SRSF11: variants seen among roughly 807,000 people sequenced by gnomAD.
The protein encoded by SRSF11 is serine/arginine-rich splicing factor 11.
A neutral mutation model predicts 56.0 loss-of-function variants in SRSF11; 9 were observed. The observed-to-expected ratio is 0.16, with a 90% CI of 0.10 to 0.28. The LOEUF is 0.28. Among genes scored for constraint, SRSF11 ranks in the 10% least tolerant of loss-of-function variants. The pLI is 1.00. For missense variants in SRSF11, 421 were observed against 600.7 expected (o/e 0.70, Z 3.13); for synonymous variants, 222 against 215.3 (o/e 1.03, Z -0.27).
At chr1:70,248,521 T>C (rs1677249666) in intron 9 of SRSF11, 1 of 152,112 alleles carries the variant, frequency 6.6e-6, no homozygotes, top group Non-Finnish European at 1.5e-5. Flanking sequence ...AAAATTTTCT[T>C]AAAAACTAAA....
In SRSF11 at chr1:70,252,111, A is replaced by G. The variant is rs1678041040; in HGVS notation, c.*1306A>G. On this transcript the variant is annotated 3_prime_UTR_variant, in exon 12 of 12. Coordinates refer to ENST00000370949, the MANE Select transcript of SRSF11 (RefSeq NM_001350605.2). ...TCCCTTTCTGTCCACATATTTCAGT[A>G]TAGTAAAAAGAGGAAGTCTATCACT... The G allele has an allele frequency of 6.6e-6, 1 of 152,578 alleles. No homozygotes were observed. The highest frequency in any genetic ancestry group is 1.5e-5 in the Non-Finnish European group (1 of 67,990). 9.5% of individuals were successfully genotyped at this position (152,578 alleles called of 1,614,324 possible). A position where few individuals can be genotyped will look rare whatever the true frequency, so the allele number is the denominator to read the frequency against.
chr1:70,221,374 C>T (rs1670555956), upstream of SRSF11: 1 of 482,622 alleles, frequency 2.1e-6, no homozygotes, highest in South Asian at 3.2e-5. Flanking sequence ...GGAGCTCGGG[C>T]CCGCTAGTGT....
chr1:70,232,116 A>G, intron 2 of SRSF11, 152 bp from the exon 3 acceptor site: 2 of 1,549,394 alleles, frequency 1.3e-6, no homozygotes, highest in Non-Finnish European at 1.7e-6. Flanking sequence ...AATTAATGAT[A>G]AATAATCATA....
At chr1:70,250,185 T>TA (rs755640554) in intron 10 of SRSF11, 138 bp downstream of exon 10, 14 of 1,258,800 alleles carry the variant, frequency 1.1e-5, no homozygotes, top group Non-Finnish European at 1.6e-5. Flanking sequence ...ACTTGTGACT[T>TA]AAACACCATT....
Position 70,232,299 on chromosome 1 carries a change from T to A in SRSF11, c.369T>A (p.Ser123=). The A allele has an allele frequency of 6.2e-7, 1 of 1,614,214 alleles. No homozygotes were observed. Among genetic ancestry groups the A allele is most frequent in the Non-Finnish European group, 8.5e-7 (1 of 1,180,044 alleles). ...GVIPDEAKAL[S]LLAPANAVAG... is the part of the protein sequence containing the mutation. ...TTCCTGATGAAGCTAAAGCTTTGTC[T>A]CTGTTGGCACCAGCTAATGCAGTGG... Residue 123 remains serine, a synonymous_variant, in exon 3 of 12, where the codon TCT becomes TCA. Coordinates refer to ENST00000370949, the MANE Select transcript of SRSF11 (RefSeq NM_001350605.2).
chr1:70,250,237 A>T, intron 10 of SRSF11, 128 bp from the exon 11 acceptor site: 1 of 1,450,358 alleles, frequency 6.9e-7, no homozygotes, highest in Non-Finnish European at 9.3e-7. Context: ...TTAGTTTTGT[A>T]GCCTGTGTTA....
upstream of SRSF11, chr1:70,220,933 T>C (rs1036744291): frequency 6.6e-6 from 1 of 152,208 alleles, no homozygotes; most frequent in Non-Finnish European, 1.5e-5. Context: ...CTGAAAGTTT[T>C]AGTGACAAAA....
chr1:70,241,930 G>C (rs1424336278), intron 7 of SRSF11, among the ~76,000 whole-genome samples: 1 of 152,106 alleles, frequency 6.6e-6, no homozygotes, highest in Non-Finnish European at 1.5e-5. Flanking sequence ...AGCACTTGGG[G>C]AGGCCGAGGC....
chr1:70,232,189 G>T, intron 2 of SRSF11, 79 bp from the exon 3 acceptor site: 1 of 1,607,380 alleles, frequency 6.2e-7, no homozygotes, highest in Non-Finnish European at 8.5e-7. Flanking sequence ...GGTGTATCAG[G>T]GAGACATTTT....
chr1:70,221,744 G>A lies in SRSF11; in HGVS notation c.108G>A (p.Gln36=). 2 of 1,614,088 alleles carry A rather than the reference G, an allele frequency of 1.2e-6. No individual in the cohort carries two copies. The highest frequency in any genetic ancestry group is 1.7e-6 in the Non-Finnish European group (2 of 1,180,004). The stretch of plus-strand genomic sequence containing the variant: ...GAGGCGGCGGCACCGAGGTAATCCA[G>A]GTGACTAATGTCTCCCCGAGCGCTA... ...GGGGGGTEVI[Q]VTNVSPSASS... Residue 36 remains glutamine (Q), a synonymous_variant, in exon 1 of 12, where the codon CAG becomes CAA. Transcript: ENST00000370949.
chr1:70,234,894 A>C (rs1405358123), intron 4 of SRSF11, 106 bp downstream of exon 4: 2 of 905,674 alleles, frequency 2.2e-6, no homozygotes, highest in African/African-American at 1.7e-5. Flanking sequence ...ATGTTGTAGT[A>C]ATTTTTTTTC....
chr1:70,232,041 A>G, intron 2 of SRSF11: 3 of 1,523,326 alleles, frequency 2.0e-6, no homozygotes, highest in Non-Finnish European at 1.8e-6. Context: ...TTTACTCTAG[A>G]AACTTAACCA....
chr1:70,208,718 A>G (rs1255913625), intron 1 of SRSF11, among the ~76,000 whole-genome samples: 1 of 152,208 alleles, frequency 6.6e-6, no homozygotes, highest in Admixed American at 6.5e-5. Context: ...AGAAAATAAC[A>G]TGTTTTGTCT....
At chr1:70,235,611 G>T in intron 5 of SRSF11, 61 bp downstream of exon 5, 1 of 1,506,226 alleles carries the variant, frequency 6.6e-7, no homozygotes, top group Non-Finnish European at 9.0e-7. Context: ...CAGAATTAGA[G>T]TTTTTTTGAT....
At chr1:70,243,756 A>G (rs1317674698) in intron 7 of SRSF11, among the ~76,000 whole-genome samples, 1 of 152,218 alleles carries the variant, frequency 6.6e-6, no homozygotes, top group Admixed American at 6.5e-5. Flanking sequence ...AATTTTTAAA[A>G]TAGAAGAGAA....
At chr1:70,239,624 T>A in intron 7 of SRSF11, 104 bp downstream of exon 7, 1 of 822,284 alleles carries the variant, frequency 1.2e-6, no homozygotes, top group Admixed American at 2.8e-5. Context: ...TTAAAGTGTT[T>A]TAGTAACCTC....
chr1:70,222,229 C>G (rs1670810038), intron 1 of SRSF11, among the ~76,000 whole-genome samples: 1 of 152,114 alleles, frequency 6.6e-6, no homozygotes. Flanking sequence ...CAAAATTATT[C>G]ATGCCTGTGT....
intron 2 of SRSF11, chr1:70,230,940 T>C (rs1672747472): frequency 2.5e-6 from 3 of 1,207,318 alleles, no homozygotes; most frequent in Admixed American, 3.3e-5. Flanking sequence ...TCCATAACTC[T>C]TGGTATCTAA....
intron 1 of SRSF11, among the ~76,000 whole-genome samples, chr1:70,225,439 TCA>T (rs1478947932): frequency 3.9e-5 from 6 of 152,182 alleles, no homozygotes; most frequent in Non-Finnish European, 8.8e-5. Flanking sequence ...GTCGTCTTTG[TCA>T]CACACCTCCT....
Sources: gnomAD v4.1 joint callset for allele counts (sites outside exome capture counted in the v4.1 genomes callset) on GRCh38, gnomAD v4.1.1 for gene constraint, MANE v1.5 for transcripts, NCBI Gene and HGNC (gene_info 2026-07-23, HGNC 2026-07-21) for gene names.